Variants in ASB4 observed in about 807,000 individuals in gnomAD.
The protein encoded by ASB4 is ankyrin repeat and SOCS box protein 4.
ASB4 carries 35 observed loss-of-function variants against 38.6 expected under a neutral mutation model. The ratio of observed to expected loss-of-function variants is 0.91; its 90% CI spans 0.69 to 1.20. The LOEUF (loss-of-function observed/expected upper bound fraction) is 1.20. ASB4 is among the 50% of genes most tolerant of loss of function. ASB4 has a pLI of 0.00. For missense variants in ASB4, 557 were observed against 527.2 expected, an observed-to-expected ratio of 1.06 and a Z score of -0.55; for synonymous variants, 195 against 201.3, an observed-to-expected ratio of 0.97 and a Z score of 0.26.
intron 1 of ASB4, among the ~76,000 whole-genome samples, chr7:95,493,416 G>T (rs1049126435): frequency 1.9e-4 from 29 of 150,298 alleles, no homozygotes; most frequent in Non-Finnish European, 4.0e-4. Context: ...GTATAGCTAG[G>T]TTGGAGGATA....
At chr7:95,497,574 T>C (rs978785385) in intron 2 of ASB4, among the ~76,000 whole-genome samples, 1 of 152,198 alleles carries the variant, frequency 6.6e-6, no homozygotes, top group Non-Finnish European at 1.5e-5. Flanking sequence ...TATGGAGGTA[T>C]AATTTTCACT....
upstream of ASB4, among the ~76,000 whole-genome samples, chr7:95,484,687 C>A (rs1192978355): frequency 2.0e-5 from 3 of 151,922 alleles, no homozygotes; most frequent in Non-Finnish European, 4.4e-5. Flanking sequence ...AAGTTTGCAC[C>A]AGTTTTGACT....
chr7:95,493,144 A>G (rs947959004), intron 1 of ASB4, among the ~76,000 whole-genome samples: 25 of 152,202 alleles, frequency 1.6e-4, no homozygotes, highest in Non-Finnish European at 2.5e-4. Context: ...TCTCAAAGTA[A>G]TATATTAGAA....
downstream of ASB4, among the ~76,000 whole-genome samples, chr7:95,545,038 C>CTTTT (rs10678864): frequency 6.8e-6 from 1 of 147,616 alleles, no homozygotes. Context: ...AAAGATCCAG[C>CTTTT]TTTTTTTTTT....
chr7:95,550,919 T>C, the ASB4 span, among the ~76,000 whole-genome samples: 1 of 152,192 alleles, frequency 6.6e-6, no homozygotes, highest in African/African-American at 2.4e-5. Flanking sequence ...GTCTTCAACT[T>C]GGCCCCAGCT....
the ASB4 span, among the ~76,000 whole-genome samples, chr7:95,550,586 T>A: frequency 2.0e-5 from 3 of 152,224 alleles, no homozygotes; most frequent in South Asian, 6.2e-4. Context: ...GCTATACCTC[T>A]TTGGGCACCT....
downstream of ASB4, chr7:95,544,212 G>A (rs915712854): frequency 6.6e-6 from 1 of 151,964 alleles, no homozygotes; most frequent in Non-Finnish European, 1.5e-5. Context: ...TTTCTTCCAG[G>A]GCATCAGAAA....
At chr7:95,533,201 T>C (rs1443067083) in intron 3 of ASB4, among the ~76,000 whole-genome samples, 1 of 152,196 alleles carries the variant, frequency 6.6e-6, no homozygotes, top group Non-Finnish European at 1.5e-5. Context: ...TTTTAGGGTA[T>C]AAATTCAGTT....
the ASB4 span, among the ~76,000 whole-genome samples, chr7:95,546,017 T>C: frequency 6.6e-6 from 1 of 152,126 alleles, no homozygotes; most frequent in Non-Finnish European, 1.5e-5. Context: ...CCATACAGAG[T>C]AATGCATAGA....
chr7:95,528,559 A>G (rs1037477535), intron 3 of ASB4: 1 of 1,414,776 alleles, frequency 7.1e-7, no homozygotes, highest in East Asian at 2.5e-5. Flanking sequence ...TGTGAACACC[A>G]GTGCACTGGT....
intron 2 of ASB4, among the ~76,000 whole-genome samples, chr7:95,500,358 G>C (rs1790317588): frequency 6.6e-6 from 1 of 151,940 alleles, no homozygotes; most frequent in Non-Finnish European, 1.5e-5. Context: ...TTTGAGGCCA[G>C]GAGTTTGAGA....
chr7:95,512,415 A>G (rs1401549865), intron 2 of ASB4, among the ~76,000 whole-genome samples: 1 of 152,196 alleles, frequency 6.6e-6, no homozygotes, highest in Non-Finnish European at 1.5e-5. Context: ...GACCTGTGAA[A>G]GTATCTTTAT....
intron 2 of ASB4, among the ~76,000 whole-genome samples, chr7:95,509,848 G>A (rs528699335): frequency 2.0e-5 from 3 of 152,238 alleles, no homozygotes; most frequent in Middle Eastern, 6.8e-3. Context: ...AAAAAATGAG[G>A]AATCGGAGAC....
chr7:95,523,231 G>A (rs1790687446), intron 2 of ASB4, among the ~76,000 whole-genome samples: 1 of 152,092 alleles, frequency 6.6e-6, no homozygotes, highest in Admixed American at 6.6e-5. Flanking sequence ...GGACATTCTG[G>A]TACAAAGGAA....
At chr7:95,478,803 T>C (rs897492339) in intron 1 of ASB4, among the ~76,000 whole-genome samples, 1 of 152,198 alleles carries the variant, frequency 6.6e-6, no homozygotes, top group Non-Finnish European at 1.5e-5. Context: ...AGCAATCATT[T>C]CTGCCATTTG....
At chr7:95,483,852 C>T (rs903986616), upstream of ASB4, among the ~76,000 whole-genome samples, 1 of 151,972 alleles carries the variant, frequency 6.6e-6, no homozygotes, top group Non-Finnish European at 1.5e-5. Flanking sequence ...CAAAGTGCTC[C>T]CTAAAAATGC....
intron 3 of ASB4, chr7:95,528,711 AC>A: frequency 3.8e-6 from 4 of 1,058,910 alleles, no homozygotes; most frequent in Non-Finnish European, 4.6e-6. Context: ...TGAAAGGGCC[AC>A]CCGATTTTCC....
At chr7:95,537,030 C>G (rs1420359854) in intron 4 of ASB4, among the ~76,000 whole-genome samples, 1 of 152,172 alleles carries the variant, frequency 6.6e-6, no homozygotes, top group Non-Finnish European at 1.5e-5. Flanking sequence ...ACTTTGCTAC[C>G]AATGTATACC....
At chr7:95,492,262 A>G (rs184410580) in intron 1 of ASB4, among the ~76,000 whole-genome samples, 1 of 152,314 alleles carries the variant, frequency 6.6e-6, no homozygotes, top group Admixed American at 6.5e-5. Flanking sequence ...TAATACACGA[A>G]CAGGATAGAG....
Sources: gnomAD v4.1 joint callset for allele counts (sites outside exome capture counted in the v4.1 genomes callset) on GRCh38, gnomAD v4.1.1 for gene constraint, MANE v1.5 for transcripts, NCBI Gene and HGNC (gene_info 2026-07-23, HGNC 2026-07-21) for gene names.